BABAM2: variants seen among roughly 807,000 people sequenced by gnomAD.
BABAM2 encodes the protein BRISC and BRCA1-A complex member 2.
In BABAM2, 31 loss-of-function variants were observed where a neutral mutation model predicts 54.7. The observed-to-expected ratio is 0.57, with a 90% confidence interval of 0.43 to 0.77. The LOEUF (loss-of-function observed/expected upper bound fraction) is 0.77. BABAM2 is among the 30% of genes least tolerant of loss of function. The pLI is 0.00. For missense variants in BABAM2, 364 were observed against 455.8 expected, an observed-to-expected ratio of 0.80 and a Z score of 1.83; for synonymous variants, 167 against 162.9, an observed-to-expected ratio of 1.03 and a Z score of -0.19.
chr2:28,245,818 C>G (rs148429022), intron 10 of BABAM2, among the ~76,000 whole-genome samples: 6 of 152,198 alleles, frequency 3.9e-5, no homozygotes, highest in African/African-American at 1.4e-4. Context: ...GCCAAGGCAT[C>G]AGACAGTGTA....
intron 9 of BABAM2, 140 bp downstream of exon 9, chr2:28,241,533 C>T (rs189773595): frequency 2.6e-6 from 2 of 757,468 alleles, no homozygotes; most frequent in African/African-American, 1.7e-5. Context: ...CTCGCTCTGT[C>T]ACCCAGGCTG....
intron 11 of BABAM2, among the ~76,000 whole-genome samples, chr2:28,323,805 C>T (rs1363997032): frequency 6.6e-6 from 1 of 152,190 alleles, no homozygotes; most frequent in Non-Finnish European, 1.5e-5. Context: ...ATTTAGAGAA[C>T]ATTTGTGGTC....
chr2:28,311,865 T>G (rs55769538), intron 11 of BABAM2, among the ~76,000 whole-genome samples: 76,863 of 152,142 alleles, frequency 0.51, 19,628 homozygotes, highest in East Asian at 0.62. Context: ...GTGTACGTGA[T>G]GCCTTTTTGT....
rs146749549 is a variant in BABAM2, at chr2:28,157,408, T to A, written c.680+28028T>A. ...TTTATACTGCCTTGGCAAACTTAGTTAGCTTATTTTTACACTCCTAGCATA... is the reference window on the plus strand; with the variant it reads ...TTTATACTGCCTTGGCAAACTTAGTAAGCTTATTTTTACACTCCTAGCATA... On this transcript the variant is annotated intron_variant, in intron 7 of 11. Coordinates refer to ENST00000379624, the MANE Select transcript of BABAM2 (RefSeq NM_199191.3). Among the ~76,000 whole-genome samples, 11 of 152,304 alleles carry A rather than the reference T, an allele frequency of 7.2e-5. No individual in the cohort carries two copies. The East Asian group carries it at 2.1e-3, about 29-fold the overall frequency.
Position 28,025,260 on chromosome 2 carries a change from G to C in BABAM2, c.335G>C (p.Cys112Ser). 1 of 1,600,654 alleles carries C rather than the reference G, an allele frequency of 6.2e-7. No individual in the cohort carries two copies. Among genetic ancestry groups the C allele is most frequent in the African/African-American group, 1.3e-5 (1 of 74,086 alleles). ...TCCTGGAATCCTTCAAATCCTGAAT[G>C]TCTCTTACTTGTGGTGAAGGAACTT... Reference protein sequence around the residue: ...LASWNPSNPECLLLVVKELVQ... With the variant: ...LASWNPSNPESLLLVVKELVQ... The change falls in exon 5 of 12, where the codon TGT becomes TCT. Residue 112 changes from cysteine to serine, a missense_variant. Coordinates refer to ENST00000379624, the MANE Select transcript of BABAM2 (RefSeq NM_199191.3).
chr2:28,079,747 T>C (rs1290872926), intron 6 of BABAM2, among the ~76,000 whole-genome samples: 2 of 152,138 alleles, frequency 1.3e-5, no homozygotes, highest in African/African-American at 4.8e-5. Flanking sequence ...GCATTGCCTT[T>C]AATTTGAAGT....
At chr2:27,963,261 G>A (rs1208076992) in intron 3 of BABAM2, among the ~76,000 whole-genome samples, 1 of 152,152 alleles carries the variant, frequency 6.6e-6, no homozygotes, top group Non-Finnish European at 1.5e-5. Flanking sequence ...CCTGAAGTCA[G>A]GAGTTCGAGA....
At chr2:28,142,509 A>C (rs1231362150) in intron 7 of BABAM2, among the ~76,000 whole-genome samples, 2 of 152,054 alleles carry the variant, frequency 1.3e-5, no homozygotes, top group African/African-American at 4.8e-5. Flanking sequence ...TTTTCCCTGC[A>C]TGCAAAGAAT....
intron 6 of BABAM2, among the ~76,000 whole-genome samples, chr2:28,079,102 A>T (rs72814431): frequency 0.067 from 10,236 of 152,248 alleles, 380 homozygotes; most frequent in South Asian, 0.13. Context: ...TTCTAAATTT[A>T]TATAGAAAAA....
At chr2:28,175,158 C>T (rs1328660152) in intron 7 of BABAM2, among the ~76,000 whole-genome samples, 2 of 152,130 alleles carry the variant, frequency 1.3e-5, no homozygotes, top group East Asian at 1.9e-4. Context: ...ACAGCTGTCA[C>T]CATTAGGAAC....
chr2:28,074,747 G>C (rs556238362), intron 6 of BABAM2, among the ~76,000 whole-genome samples: 1 of 152,222 alleles, frequency 6.6e-6, no homozygotes, highest in South Asian at 2.1e-4. Context: ...GTATGGGACA[G>C]AATGGTCAGC....
intron 3 of BABAM2, among the ~76,000 whole-genome samples, chr2:27,934,853 G>A (rs1424291589): frequency 6.6e-6 from 1 of 152,234 alleles, no homozygotes; most frequent in African/African-American, 2.4e-5. Flanking sequence ...GAGAAGTGAA[G>A]AAGTTGCAGA....
intron 6 of BABAM2, among the ~76,000 whole-genome samples, chr2:28,088,064 T>A (rs914278316): frequency 1.3e-5 from 2 of 152,222 alleles, no homozygotes; most frequent in Non-Finnish European, 2.9e-5. Flanking sequence ...CAAAACAGAA[T>A]TTGTACCATA....
At chr2:27,958,511 T>C (rs956480371) in intron 3 of BABAM2, among the ~76,000 whole-genome samples, 6 of 149,444 alleles carry the variant, frequency 4.0e-5, no homozygotes, top group African/African-American at 1.2e-4. Context: ...ATATAACATA[T>C]ATACATATAC....
intron 7 of BABAM2, among the ~76,000 whole-genome samples, chr2:28,183,739 T>TCTCTCACACACA (rs1553336494): frequency 0.045 from 6,039 of 133,130 alleles, 132 homozygotes; most frequent in Non-Finnish European, 0.053. Context: ...TGGATGAAGA[T>TCTCTCACACACA]CACACACACA....
At chr2:28,136,140 T>TC (rs1373472054) in intron 7 of BABAM2, among the ~76,000 whole-genome samples, 1 of 152,182 alleles carries the variant, frequency 6.6e-6, no homozygotes, top group Non-Finnish European at 1.5e-5. Context: ...TTTTTTCACT[T>TC]CCATACCTTG....
chr2:28,127,429 G>A (rs1669651446), intron 6 of BABAM2, among the ~76,000 whole-genome samples: 1 of 152,120 alleles, frequency 6.6e-6, no homozygotes, highest in African/African-American at 2.4e-5. Context: ...GGCTATCGTT[G>A]TGGGCTAAGG....
rs1688346817 is a variant in BABAM2 at position 28,304,411 on chromosome 2, T to C, written c.1088+5920T>C. On this transcript the variant is annotated intron_variant, in intron 11 of 11. Transcript: ENST00000379624. The surrounding 1 kb of genome is among the most constrained non-coding windows in gnomAD (Gnocchi z 4.0). ...AATATAAATATAAAATATTTATAAA[T>C]ATATAAAAATATAAACAAAATTTTT... is the stretch of plus-strand genomic sequence containing the variant. Among the ~76,000 whole-genome samples the C allele has an allele frequency of 6.7e-6, 1 of 149,838 alleles. No homozygotes were observed. Among genetic ancestry groups the C allele is most frequent in the Non-Finnish European group, 1.5e-5 (1 of 67,488 alleles).
At chr2:28,177,518 G>A (rs989613811) in intron 7 of BABAM2, among the ~76,000 whole-genome samples, 5 of 151,014 alleles carry the variant, frequency 3.3e-5, no homozygotes, top group African/African-American at 5.0e-5. Flanking sequence ...AAGGACTCAA[G>A]TGTTACCACT....
Sources: allele counts gnomAD v4.1 joint callset (sites outside exome capture counted in the v4.1 genomes callset), GRCh38; gene constraint gnomAD v4.1.1; non-coding constraint Gnocchi (gnomAD v3.1); transcripts MANE v1.5; gene names NCBI Gene and HGNC (gene_info 2026-07-23, HGNC 2026-07-21).